Variants in GLI3 observed in about 807,000 individuals in gnomAD.
GLI3 encodes the protein transcription activator GLI3.
GLI3 carries 20 observed loss-of-function variants against 100.8 expected under a neutral mutation model. The ratio of observed to expected loss-of-function variants is 0.20; its 90% confidence interval spans 0.14 to 0.29. GLI3 has a LOEUF of 0.29. Among genes scored for constraint, GLI3 ranks in the 10% least tolerant of loss-of-function variants. The probability of loss-of-function intolerance (pLI) is 1.00; values close to 1 mark genes in which losing one functional copy is unlikely to be tolerated. For missense variants in GLI3, 2,040 were observed against 2,128.5 expected, an observed-to-expected ratio of 0.96 and a Z score of 0.82; for synonymous variants, 938 against 860.5, an observed-to-expected ratio of 1.09 and a Z score of -1.58.
chr7:42,001,128 C>T (rs1394192046), intron 10 of GLI3, among the ~76,000 whole-genome samples: 2 of 150,594 alleles, frequency 1.3e-5, no homozygotes, highest in African/African-American at 4.9e-5. Flanking sequence ...GTCTGTAATC[C>T]CAGCTACGCA....
At chr7:42,052,693 T>A (rs1327970816) in intron 4 of GLI3, among the ~76,000 whole-genome samples, 2 of 152,120 alleles carry the variant, frequency 1.3e-5, no homozygotes, top group Admixed American at 6.5e-5. Flanking sequence ...AAAAAAAAAG[T>A]CCAAATGGCG....
intron 10 of GLI3, among the ~76,000 whole-genome samples, chr7:41,997,280 T>TTTC (rs1360722484): frequency 1.3e-5 from 2 of 152,214 alleles, no homozygotes; most frequent in Non-Finnish European, 2.9e-5. Context: ...AGCTTTTTTT[T>TTTC]TTCTTCTTTA....
At chr7:41,989,981 T>A (rs1787936716) in intron 10 of GLI3, among the ~76,000 whole-genome samples, 1 of 130,570 alleles carries the variant, frequency 7.7e-6, no homozygotes, top group East Asian at 2.0e-4. Context: ...AGCAAGACTC[T>A]GTCTCCAAAA....
chr7:42,200,332 C>A (rs1188109832), intron 2 of GLI3, among the ~76,000 whole-genome samples: 2 of 152,182 alleles, frequency 1.3e-5, no homozygotes, highest in African/African-American at 4.8e-5. Flanking sequence ...GGTGAACAGA[C>A]AGTGAACATT....
chr7:42,038,336 CT>C (rs1037318515), intron 7 of GLI3, among the ~76,000 whole-genome samples: 3 of 152,226 alleles, frequency 2.0e-5, no homozygotes, highest in Admixed American at 2.0e-4. Context: ...TCAGCTCCCC[CT>C]GAAACTTCAC....
intron 2 of GLI3, among the ~76,000 whole-genome samples, chr7:42,215,513 T>C (rs934461382): frequency 6.6e-6 from 1 of 152,118 alleles, no homozygotes; most frequent in Non-Finnish European, 1.5e-5. Context: ...CGCTTAAGCA[T>C]CCACTATTTG....
At position 41,964,456 on chromosome 7, in the gene GLI3, G is replaced by C; in HGVS notation, c.4617C>G (p.Thr1539=). 1.9e-6 allele frequency: 3 copies of C among 1,614,192 alleles called. No individual in the cohort carries two copies. Among genetic ancestry groups the C allele is most frequent in the Non-Finnish European group, 2.5e-6 (3 of 1,179,994 alleles). The part of the protein sequence containing the change: ...QNLSHSSSRL[T]TPRASLPFPA... ...GGAATGGGAGGGACGCCCGAGGCGT[G>C]GTGAGGCGGGAGGAGCTATGGGAAA... Residue 1539 remains threonine (T), a synonymous_variant, in exon 15 of 15, where the codon ACC becomes ACG. Transcript: ENST00000395925.
At chr7:42,020,918 A>AAAAAAAC (rs1788922149) in intron 10 of GLI3, among the ~76,000 whole-genome samples, 1 of 132,336 alleles carries the variant, frequency 7.6e-6, no homozygotes, top group South Asian at 2.5e-4. Flanking sequence ...AAAAAAAAAA[A>AAAAAAAC]AAGTAGTTTT....
At chr7:42,220,747 GATTT>G (rs1206441714) in intron 2 of GLI3, among the ~76,000 whole-genome samples, 1 of 152,188 alleles carries the variant, frequency 6.6e-6, no homozygotes, top group Non-Finnish European at 1.5e-5. Flanking sequence ...CCTCTCTTTA[GATTT>G]ATTTGTTTTC....
At chr7:42,211,774 CTT>C (rs1788278508) in intron 2 of GLI3, among the ~76,000 whole-genome samples, 2 of 152,194 alleles carry the variant, frequency 1.3e-5, no homozygotes, top group African/African-American at 4.8e-5. Flanking sequence ...CATCTCTTCT[CTT>C]TATTATACCC....
chr7:42,037,184 T>C (rs1784029206), intron 7 of GLI3, among the ~76,000 whole-genome samples: 1 of 152,118 alleles, frequency 6.6e-6, no homozygotes, highest in Non-Finnish European at 1.5e-5. Context: ...CTTTGCCAAA[T>C]AGCTGTGACG....
intron 3 of GLI3, among the ~76,000 whole-genome samples, chr7:42,131,599 G>A (rs1786278532): frequency 6.6e-6 from 1 of 151,972 alleles, no homozygotes; most frequent in Admixed American, 6.6e-5. Flanking sequence ...TCAATCTATG[G>A]ACAAAAACAT....
intron 2 of GLI3, among the ~76,000 whole-genome samples, chr7:42,196,863 C>T (rs1562782108): frequency 1.3e-5 from 2 of 152,196 alleles, no homozygotes. Flanking sequence ...TGGTTGGCAG[C>T]ATGTTTACTT....
intron 3 of GLI3, among the ~76,000 whole-genome samples, chr7:42,128,286 A>G (rs1327238265): frequency 6.6e-6 from 1 of 151,424 alleles, no homozygotes; most frequent in East Asian, 1.9e-4. Flanking sequence ...TTAAATTTCT[A>G]TCAACCTATC....
chr7:42,023,718 GT>G, intron 9 of GLI3, 110 bp from the exon 10 acceptor site: 1 of 903,292 alleles, frequency 1.1e-6, no homozygotes, highest in Middle Eastern at 2.9e-4. Context: ...TGGGTCTAGG[GT>G]TTTGTGAAGT....
chr7:42,213,107 C>T (rs1788303183), intron 2 of GLI3, among the ~76,000 whole-genome samples: 1 of 152,210 alleles, frequency 6.6e-6, no homozygotes, highest in Non-Finnish European at 1.5e-5. Flanking sequence ...GGGAAAGAAT[C>T]TGTGGATTTT....
At chr7:42,028,770 AAATAATAATAAT>A (rs147616149) in intron 7 of GLI3, among the ~76,000 whole-genome samples, 7 of 146,040 alleles carry the variant, frequency 4.8e-5, no homozygotes, top group Non-Finnish European at 1.1e-4. Context: ...TCTCAAAAAT[AAATAATAATAAT>A]AATAATAATA....
intron 2 of GLI3, among the ~76,000 whole-genome samples, chr7:42,181,361 G>A (rs533566376): frequency 7.9e-5 from 12 of 152,282 alleles, no homozygotes; most frequent in South Asian, 6.2e-4. Context: ...AGCACTTTGG[G>A]AGGATGAGGT....
At chr7:42,135,102 C>T (rs1478598510) in intron 3 of GLI3, among the ~76,000 whole-genome samples, 1 of 152,184 alleles carries the variant, frequency 6.6e-6, no homozygotes, top group Non-Finnish European at 1.5e-5. Context: ...CTATTTTACA[C>T]TTGTTGATAT....
Sources: allele counts gnomAD v4.1 joint callset (sites outside exome capture counted in the v4.1 genomes callset), GRCh38; gene constraint gnomAD v4.1.1; transcripts MANE v1.5; gene names NCBI Gene and HGNC (gene_info 2026-07-23, HGNC 2026-07-21).